PDE4B: variants seen among roughly 807,000 people sequenced by gnomAD.
The protein encoded by PDE4B is 3',5'-cyclic-AMP phosphodiesterase 4B.
A neutral mutation model predicts 82.2 loss-of-function variants in PDE4B; 20 were observed. The ratio of observed to expected loss-of-function variants is 0.24; its 90% CI spans 0.17 to 0.35. The LOEUF (loss-of-function observed/expected upper bound fraction) is 0.35, where lower values mean the gene tolerates loss of function less well. Among genes scored for constraint, PDE4B ranks in the 10% least tolerant of loss-of-function variants. The pLI is 1.00. For synonymous variants in PDE4B, 320 were observed against 318.9 expected (o/e 1.00, Z -0.04); for missense variants, 655 against 907.2 (o/e 0.72, Z 3.57).
At chr1:66,117,538 A>G (rs905825793) in intron 3 of PDE4B, among the ~76,000 whole-genome samples, 17 of 152,234 alleles carry the variant, frequency 1.1e-4, no homozygotes, top group African/African-American at 4.1e-4. Flanking sequence ...AAACAGACAC[A>G]GATTTTACCT....
In PDE4B at chr1:66,351,601, G is replaced by T. The variant is rs549792381; in HGVS notation, c.748-3926G>T. 3.3e-5 allele frequency among the ~76,000 whole-genome samples: 5 copies of T among 152,240 alleles called. No individual in the cohort carries two copies. In the East Asian group the frequency reaches 9.7e-4, roughly 29 times the overall value. On this transcript the variant is annotated intron_variant, in intron 8 of 16. Coordinates refer to ENST00000341517, the MANE Select transcript of PDE4B (RefSeq NM_002600.4). ...GGAGTTTTGTTTTCTGGGAAGTCTTGGTTGCTGGTAAATAATGTGTCCAAA... is the reference window on the plus strand; with the variant it reads ...GGAGTTTTGTTTTCTGGGAAGTCTTTGTTGCTGGTAAATAATGTGTCCAAA...
chr1:66,081,014 A>G (rs1035853194), intron 3 of PDE4B, among the ~76,000 whole-genome samples: 1 of 152,246 alleles, frequency 6.6e-6, no homozygotes, highest in Non-Finnish European at 1.5e-5. Context: ...TAAATGAGAA[A>G]GAGATCTCCC....
rs562687790 is a variant in PDE4B, at chr1:65,839,618, C to T, written c.-71+46370C>T. Among the ~76,000 whole-genome samples, 728 of 152,266 alleles carry T rather than the reference C, an allele frequency of 4.8e-3. 6 individuals carry two copies. Among genetic ancestry groups the T allele is most frequent in the African/African-American group, 0.017 (701 of 41,542 alleles). ...AGGAACTCATCCTTTTTTATGGCTG[C>T]ATAGTATTATATGATGTGTCTATGT... On this transcript the variant is annotated intron_variant, in intron 1 of 16. Coordinates refer to ENST00000341517, the MANE Select transcript of PDE4B (RefSeq NM_002600.4).
At chr1:66,127,888 C>A (rs1240122790) in intron 3 of PDE4B, among the ~76,000 whole-genome samples, 1 of 151,988 alleles carries the variant, frequency 6.6e-6, no homozygotes, top group Non-Finnish European at 1.5e-5. Flanking sequence ...TTCTTTATGG[C>A]TGAGAAGATT....
intron 3 of PDE4B, among the ~76,000 whole-genome samples, chr1:65,966,687 T>G (rs997495562): frequency 1.3e-5 from 2 of 152,158 alleles, no homozygotes; most frequent in Non-Finnish European, 2.9e-5. Flanking sequence ...ATGATACTGG[T>G]ACCAAAACAG....
intron 3 of PDE4B, among the ~76,000 whole-genome samples, chr1:66,197,487 C>G (rs564568621): frequency 2.6e-5 from 4 of 152,016 alleles, no homozygotes; most frequent in African/African-American, 9.7e-5. Flanking sequence ...GATATTTATA[C>G]GTATTTAAAA....
At chr1:65,963,647 C>G (rs1649659419) in intron 3 of PDE4B, among the ~76,000 whole-genome samples, 1 of 152,212 alleles carries the variant, frequency 6.6e-6, no homozygotes, top group Admixed American at 6.5e-5. Context: ...AGTTTATTAA[C>G]TCAGTTATGG....
intron 1 of PDE4B, among the ~76,000 whole-genome samples, chr1:65,863,705 A>G (rs758184514): frequency 2.6e-5 from 4 of 152,146 alleles, no homozygotes; most frequent in Non-Finnish European, 4.4e-5. Flanking sequence ...CAGTGCATGC[A>G]TATTTAGGAT....
At chr1:66,319,877 G>C (rs1659280195) in intron 7 of PDE4B, among the ~76,000 whole-genome samples, 1 of 152,106 alleles carries the variant, frequency 6.6e-6, no homozygotes, top group Non-Finnish European at 1.5e-5. Context: ...AGTTTCCAAT[G>C]GTTCCTTCTT....
chr1:66,067,517 C>T (rs1411772283), intron 3 of PDE4B, among the ~76,000 whole-genome samples: 1 of 151,998 alleles, frequency 6.6e-6, no homozygotes, highest in Non-Finnish European at 1.5e-5. Context: ...TCTCCTTCGC[C>T]CACTTGTTGA....
At chr1:66,050,081 G>A (rs796292469) in intron 3 of PDE4B, among the ~76,000 whole-genome samples, 18 of 151,902 alleles carry the variant, frequency 1.2e-4, no homozygotes, top group African/African-American at 3.4e-4. Context: ...TTCAGCATAC[G>A]GATTTATGGA....
chr1:65,936,450 A>T (rs1464233681), intron 3 of PDE4B, among the ~76,000 whole-genome samples: 2 of 152,196 alleles, frequency 1.3e-5, no homozygotes, highest in Non-Finnish European at 2.9e-5. Context: ...CCACCATCAT[A>T]CATGTGGTCC....
At chr1:65,987,034 T>A (rs577431544) in intron 3 of PDE4B, among the ~76,000 whole-genome samples, 4 of 152,214 alleles carry the variant, frequency 2.6e-5, no homozygotes, top group Admixed American at 2.6e-4. Context: ...GGGGGAGAGT[T>A]GAAGAAGACG....
intron 1 of PDE4B, among the ~76,000 whole-genome samples, chr1:65,898,197 A>G (rs113628891): frequency 2.9e-3 from 429 of 148,962 alleles, no homozygotes; most frequent in African/African-American, 9.8e-3. Context: ...TTGCTTGTTG[A>G]ATTGTTTGTT....
chr1:66,009,982 T>G (rs1652394652), intron 3 of PDE4B, among the ~76,000 whole-genome samples: 1 of 152,216 alleles, frequency 6.6e-6, no homozygotes. Context: ...TGGTATTGTC[T>G]GTCTCTTTTC....
chr1:65,939,553 T>C (rs1271253462), intron 3 of PDE4B, among the ~76,000 whole-genome samples: 1 of 152,158 alleles, frequency 6.6e-6, no homozygotes, highest in Non-Finnish European at 1.5e-5. Context: ...TCACAGAAGC[T>C]GAGCCTACCT....
At chr1:66,217,038 C>T (rs1289701374) in intron 3 of PDE4B, among the ~76,000 whole-genome samples, 1 of 152,098 alleles carries the variant, frequency 6.6e-6, no homozygotes, top group East Asian at 1.9e-4. Flanking sequence ...ATGTCTGCTT[C>T]ATTTGCTCCA....
intron 3 of PDE4B, among the ~76,000 whole-genome samples, chr1:66,046,511 G>T (rs1259615491): frequency 6.6e-6 from 1 of 151,782 alleles, no homozygotes; most frequent in Non-Finnish European, 1.5e-5. Flanking sequence ...AAATATGATA[G>T]AGATGAAATC....
chr1:66,329,338 A>T (rs1659949136), intron 7 of PDE4B, among the ~76,000 whole-genome samples: 1 of 152,228 alleles, frequency 6.6e-6, no homozygotes, highest in African/African-American at 2.4e-5. Flanking sequence ...CGTCAGTCTG[A>T]AAGTATTTTA....
Sources: gnomAD v4.1 joint callset for allele counts (sites outside exome capture counted in the v4.1 genomes callset) on GRCh38, gnomAD v4.1.1 for gene constraint, MANE v1.5 for transcripts, NCBI Gene and HGNC (gene_info 2026-07-23, HGNC 2026-07-21) for gene names.